The following PBX3 variants were observed in gnomAD, a reference collection of about 807,000 sequenced individuals.
The protein encoded by PBX3 is PBX homeobox 3.
A neutral mutation model predicts 48.5 loss-of-function variants in PBX3; 14 were observed. The observed-to-expected ratio is 0.29, with a 90% CI of 0.19 to 0.45. The LOEUF (loss-of-function observed/expected upper bound fraction) is 0.45, where lower values mean the gene tolerates loss of function less well. Among genes scored for constraint, PBX3 ranks in the 20% least tolerant of loss-of-function variants. The probability of loss-of-function intolerance (pLI) is 1.00; values close to 1 mark genes in which losing one functional copy is unlikely to be tolerated. For missense variants in PBX3, 386 were observed against 546.7 expected, an observed-to-expected ratio of 0.71 and a Z score of 2.93; for synonymous variants, 210 against 200.3, an observed-to-expected ratio of 1.05 and a Z score of -0.41.
intron 2 of PBX3, chr9:125,845,051 G>A (rs1387967503): frequency 6.6e-6 from 1 of 152,042 alleles, no homozygotes; most frequent in Non-Finnish European, 1.5e-5. Flanking sequence ...TTCATATTAT[G>A]GAAACTGAAC....
chr9:125,867,428 T>G (rs1840008943), intron 2 of PBX3, among the ~76,000 whole-genome samples: 1 of 151,666 alleles, frequency 6.6e-6, no homozygotes. Context: ...GATCATGAGG[T>G]CAGGAGTTCG....
chr9:125,778,669 C>G (rs910750937), intron 2 of PBX3, among the ~76,000 whole-genome samples: 19 of 143,118 alleles, frequency 1.3e-4, no homozygotes, highest in African/African-American at 5.0e-4. Flanking sequence ...AACACCTGTG[C>G]TAGAAAGGCA....
chr9:125,962,067 T>C lies in PBX3; in HGVS notation c.1010-35T>C, dbSNP rs775453084. The C allele has an allele frequency of 2.9e-6, 3 of 1,047,428 alleles. No homozygotes were observed. In the African/African-American group the frequency reaches 4.7e-5, roughly 16 times the overall value. The allele number at this position is 1,047,428 out of a possible 1,614,324, so 64.9% of individuals were successfully genotyped here. A position where few individuals can be genotyped will look rare whatever the true frequency, so the allele number is the denominator to read the frequency against. Reference sequence around the variant, plus strand: ...TCTTTGAGGATTATGTGTGTAGCTCTCTGTTATTCAGCTACTTAACTCTTT... The same window carrying C: ...TCTTTGAGGATTATGTGTGTAGCTCCCTGTTATTCAGCTACTTAACTCTTT... On this transcript the variant is annotated intron_variant, in intron 6 of 8. Coordinates refer to ENST00000373489, the MANE Select transcript of PBX3 (RefSeq NM_006195.6).
chr9:125,952,881 A>G (rs1439661901), intron 5 of PBX3, among the ~76,000 whole-genome samples: 21 of 152,154 alleles, frequency 1.4e-4, no homozygotes, highest in Admixed American at 1.2e-3. Context: ...AAAAACAGAA[A>G]TTACTTCTAA....
intron 2 of PBX3, among the ~76,000 whole-genome samples, chr9:125,814,577 A>G (rs1267931281): frequency 2.0e-5 from 3 of 152,206 alleles, no homozygotes; most frequent in African/African-American, 7.2e-5. Context: ...AAAATAACCT[A>G]GAAAAAGACC....
In PBX3 at chr9:125,759,977, G is replaced by T. The variant is rs1400791647; in HGVS notation, c.274+11354G>T. 2.0e-5 allele frequency among the ~76,000 whole-genome samples: 3 copies of T among 152,224 alleles called. No individual in the cohort carries two copies. The highest frequency in any genetic ancestry group is 4.4e-5 in the Non-Finnish European group (3 of 68,040). On this transcript the variant is annotated intron_variant, in intron 2 of 8. Coordinates refer to ENST00000373489, the MANE Select transcript of PBX3 (RefSeq NM_006195.6). The surrounding 1 kb of genome is among the most constrained non-coding windows in gnomAD (Gnocchi z 4.2). ...AGCACTGCTGTTGTCAAGTGCCGCTGAGCAGCTCTGCTCCATCAGTTGCCT... is the reference window on the plus strand; with the variant it reads ...AGCACTGCTGTTGTCAAGTGCCGCTTAGCAGCTCTGCTCCATCAGTTGCCT...
chr9:125,941,776 T>TTA (rs1174177237), intron 5 of PBX3, among the ~76,000 whole-genome samples: 2 of 152,230 alleles, frequency 1.3e-5, no homozygotes, highest in African/African-American at 4.8e-5. Flanking sequence ...ATACTCTTAA[T>TTA]TAGTAGAGCA....
rs1447077233 is a variant in PBX3, at chr9:125,759,512, A to G, written c.274+10889A>G. Among the ~76,000 whole-genome samples the G allele has an allele frequency of 6.6e-6, 1 of 152,246 alleles. No homozygotes were observed. Among genetic ancestry groups the G allele is most frequent in the East Asian group, 1.9e-4 (1 of 5,204 alleles). On this transcript the variant is annotated intron_variant, in intron 2 of 8. Coordinates refer to ENST00000373489, the MANE Select transcript of PBX3 (RefSeq NM_006195.6). The surrounding 1 kb of genome is among the most constrained non-coding windows in gnomAD (Gnocchi z 4.2). ...GCAAGCAAAAAAGGAGAAGTTGTCA[A>G]TGAAAGAAAAAGAACTGTAATCGCA...
chr9:125,815,957 T>C (rs751921583), intron 2 of PBX3, among the ~76,000 whole-genome samples: 8 of 151,616 alleles, frequency 5.3e-5, no homozygotes, highest in Non-Finnish European at 1.2e-4. Flanking sequence ...TCTGGTCTTC[T>C]TCAGCCCCAC....
chr9:125,772,358 G>A (rs1196999974), intron 2 of PBX3, among the ~76,000 whole-genome samples: 1 of 152,174 alleles, frequency 6.6e-6, no homozygotes, highest in Non-Finnish European at 1.5e-5. Flanking sequence ...AACTGGGTTA[G>A]TACTCCTAAA....
chr9:125,778,118 A>G lies in PBX3; in HGVS notation c.274+29495A>G, dbSNP rs375784976. On this transcript the variant is annotated intron_variant, in intron 2 of 8. Coordinates refer to ENST00000373489, the MANE Select transcript of PBX3 (RefSeq NM_006195.6). ...TGGGACTACAGGTTTGTACCACCAC[A>G]CCTGGCTAATTTTTGTATTTTTTAG... 2.8e-4 allele frequency among the ~76,000 whole-genome samples: 42 copies of G among 151,524 alleles called. 1 individual carries two copies. In the East Asian group the frequency reaches 7.0e-3, roughly 25 times the overall value.
chr9:125,771,867 G>C (rs549280553), intron 2 of PBX3, among the ~76,000 whole-genome samples: 1 of 152,074 alleles, frequency 6.6e-6, no homozygotes, highest in South Asian at 2.1e-4. Flanking sequence ...TTAATTTCTT[G>C]GGATGTGTTT....
chr9:125,830,608 T>C (rs891681369), intron 2 of PBX3, among the ~76,000 whole-genome samples: 38 of 152,274 alleles, frequency 2.5e-4, no homozygotes, highest in African/African-American at 8.9e-4. Context: ...TCCTCTATAA[T>C]AGTAATAATA....
At chr9:125,835,130 C>G (rs964616017) in intron 2 of PBX3, among the ~76,000 whole-genome samples, 1 of 149,808 alleles carries the variant, frequency 6.7e-6, no homozygotes, top group South Asian at 2.1e-4. Flanking sequence ...TCCATCCTCA[C>G]TCAAAATAGG....
At chr9:125,835,945 T>G (rs1404656428) in intron 2 of PBX3, among the ~76,000 whole-genome samples, 1 of 152,218 alleles carries the variant, frequency 6.6e-6, no homozygotes, top group East Asian at 1.9e-4. Context: ...GAATCAGCCT[T>G]AGTGTCTATC....
rs572395077 is a variant in PBX3 at position 125,926,677 on chromosome 9, G to A, written c.517-2978G>A. Among the ~76,000 whole-genome samples the A allele has an allele frequency of 7.7e-3, 1,166 of 150,880 alleles. 14 individuals carry two copies. The highest frequency in any genetic ancestry group is 0.027 in the African/African-American group (1,122 of 41,100). On this transcript the variant is annotated intron_variant, in intron 3 of 8. Coordinates refer to ENST00000373489, the MANE Select transcript of PBX3 (RefSeq NM_006195.6). ...ACTAAAAATACAAAAAAAATTACCC[G>A]GGCATGGTGGCACACGCCTGTAATC...
chr9:125,940,801 G>C (rs1004180827), intron 5 of PBX3, among the ~76,000 whole-genome samples: 1 of 152,178 alleles, frequency 6.6e-6, no homozygotes, highest in Admixed American at 6.5e-5. Flanking sequence ...AACCTTGGGG[G>C]TTAGAAATCA....
At chr9:125,858,616 T>C (rs935868017) in intron 2 of PBX3, among the ~76,000 whole-genome samples, 1 of 143,498 alleles carries the variant, frequency 7.0e-6, no homozygotes, top group South Asian at 2.2e-4. Context: ...TGAAAGACTT[T>C]GGTCCATTTT....
intron 2 of PBX3, among the ~76,000 whole-genome samples, chr9:125,873,927 A>G (rs1840186938): frequency 1.3e-5 from 2 of 152,132 alleles, no homozygotes; most frequent in Non-Finnish European, 2.9e-5. Context: ...AAATTGACAA[A>G]CCTCTGGTAA....
Sources: allele counts gnomAD v4.1 joint callset (sites outside exome capture counted in the v4.1 genomes callset), GRCh38; gene constraint gnomAD v4.1.1; non-coding constraint Gnocchi (gnomAD v3.1); transcripts MANE v1.5; gene names NCBI Gene and HGNC (gene_info 2026-07-23, HGNC 2026-07-21).